CAMTA1: variants seen among roughly 807,000 people sequenced by gnomAD.
CAMTA1 encodes calmodulin-binding transcription activator 1.
CAMTA1 carries 27 observed loss-of-function variants against 170.9 expected under a neutral mutation model. The ratio of observed to expected loss-of-function variants is 0.16; its 90% confidence interval spans 0.12 to 0.22. CAMTA1 has a LOEUF of 0.22. Ranked by LOEUF, CAMTA1 falls within the 10% of genes least tolerant of loss-of-function variation. CAMTA1 has a pLI of 1.00. For missense variants in CAMTA1, 1,619 were observed against 2,217.2 expected (o/e 0.73, Z 5.42); for synonymous variants, 833 against 891.5 (o/e 0.93, Z 1.17).
At chr1:7,288,199 T>C (rs1672620419) in intron 5 of CAMTA1, among the ~76,000 whole-genome samples, 2 of 152,162 alleles carry the variant, frequency 1.3e-5, no homozygotes, top group African/African-American at 2.4e-5. Context: ...AAGCCCACAC[T>C]CGTAGCGCTC....
rs1340146861 is a variant in CAMTA1 at position 7,293,819 on chromosome 1, T to G, written c.438+44193T>G. On this transcript the variant is annotated intron_variant, in intron 5 of 22. Coordinates refer to ENST00000303635, the MANE Select transcript of CAMTA1 (RefSeq NM_015215.4). This position sits in a 1 kb window ranked among gnomAD's most constrained non-coding sequence, Gnocchi z 4.1. ...AGGGTTTCCAGCTCTCCCGTGCCCC[T>G]CGCTTTTCTCTGAAAACTCGGCATG... 6.6e-6 allele frequency among the ~76,000 whole-genome samples: 1 copy of G among 152,226 alleles called. No individual in the cohort carries two copies. Among genetic ancestry groups the G allele is most frequent in the Non-Finnish European group, 1.5e-5 (1 of 68,040 alleles).
intron 4 of CAMTA1, among the ~76,000 whole-genome samples, chr1:7,135,149 G>A (rs1431109799): frequency 6.6e-6 from 1 of 152,166 alleles, no homozygotes; most frequent in African/African-American, 2.4e-5. Flanking sequence ...CACTTTGGGA[G>A]GCCGGGGCAG....
chr1:7,278,126 A>T (rs930717909), intron 5 of CAMTA1, among the ~76,000 whole-genome samples: 2 of 152,268 alleles, frequency 1.3e-5, no homozygotes, highest in African/African-American at 4.8e-5. Context: ...AATTAGCTCC[A>T]TATGGCTACA....
At chr1:7,758,061 T>C (rs2096944054) in intron 22 of CAMTA1, among the ~76,000 whole-genome samples, 1 of 152,194 alleles carries the variant, frequency 6.6e-6, no homozygotes, top group African/African-American at 2.4e-5. Context: ...CTTTCCATTT[T>C]AAAAAACCTC....
intron 5 of CAMTA1, among the ~76,000 whole-genome samples, chr1:7,257,851 A>G (rs1044518140): frequency 6.6e-6 from 1 of 152,080 alleles, no homozygotes; most frequent in Admixed American, 6.5e-5. Flanking sequence ...TTGCAGACAG[A>G]GGTTTGTCTG....
rs757794668 is a variant in CAMTA1, at chr1:7,664,950, G to A, written c.2403G>A (p.Thr801=). The change falls in exon 9 of 23, where the codon ACG becomes ACA. Residue 801 remains threonine (T), a synonymous_variant. Transcript: ENST00000303635. ...YGHQLVSGDS[T]ALSQSEDGAR... Reference sequence around the variant, plus strand: ...ACCAGCTGGTGTCGGGGGACAGCACGGCGCTCTCACAGTCAGAGGACGGGG... The same window carrying A: ...ACCAGCTGGTGTCGGGGGACAGCACAGCGCTCTCACAGTCAGAGGACGGGG... 24 of 1,612,850 alleles carry A rather than the reference G, an allele frequency of 1.5e-5. No individual in the cohort carries two copies. The Admixed American group carries it at 3.3e-4, about 22-fold the overall frequency.
At chr1:7,209,834 A>T (rs1658434027) in intron 4 of CAMTA1, among the ~76,000 whole-genome samples, 1 of 152,176 alleles carries the variant, frequency 6.6e-6, no homozygotes, top group East Asian at 1.9e-4. Context: ...TTTTATTTTT[A>T]AGTCATTTCA....
chr1:7,412,266 A>G (rs577261865), intron 5 of CAMTA1, among the ~76,000 whole-genome samples: 44 of 152,192 alleles, frequency 2.9e-4, no homozygotes, highest in Admixed American at 7.2e-4. Flanking sequence ...TCCTTTGGGT[A>G]TATACCCAGT....
Position 7,685,972 on chromosome 1 carries a change from C to G in CAMTA1, c.2914+8239C>G, listed in dbSNP as rs2096254450. On this transcript the variant is annotated intron_variant, in intron 11 of 22. Transcript: ENST00000303635. This position sits in a 1 kb window ranked among gnomAD's most constrained non-coding sequence, Gnocchi z 5.7. The stretch of plus-strand genomic sequence containing the variant: ...ATCCCAATACTAGCCTAGCATGTTT[C>G]TTTCCTTTATTTCTCTCACATTCTC... Among the ~76,000 whole-genome samples the G allele has an allele frequency of 6.6e-6, 1 of 152,096 alleles. No homozygotes were observed. Among genetic ancestry groups the G allele is most frequent in the Admixed American group, 6.6e-5 (1 of 15,250 alleles).
At chr1:6,804,730 T>C (rs1219839431) in intron 1 of CAMTA1, among the ~76,000 whole-genome samples, 2 of 152,130 alleles carry the variant, frequency 1.3e-5, no homozygotes, top group Non-Finnish European at 2.9e-5. Flanking sequence ...ATTTTAAATT[T>C]AATATAATAG....
At chr1:7,276,554 T>G (rs1670761249) in intron 5 of CAMTA1, among the ~76,000 whole-genome samples, 1 of 151,620 alleles carries the variant, frequency 6.6e-6, no homozygotes, top group Non-Finnish European at 1.5e-5. Context: ...CGTGATCCGC[T>G]TGCCTCGGCC....
At chr1:7,733,823 C>G (rs1045208741) in intron 12 of CAMTA1, among the ~76,000 whole-genome samples, 1 of 152,160 alleles carries the variant, frequency 6.6e-6, no homozygotes, top group African/African-American at 2.4e-5. Flanking sequence ...AAAAGAACAT[C>G]ATATGCCACA....
At chr1:7,206,046 T>C (rs1657676471) in intron 4 of CAMTA1, among the ~76,000 whole-genome samples, 1 of 152,206 alleles carries the variant, frequency 6.6e-6, no homozygotes, top group East Asian at 1.9e-4. Flanking sequence ...CTGGACTTCT[T>C]CTACTCCACT....
At chr1:7,105,994 A>G (rs1643544320) in intron 4 of CAMTA1, among the ~76,000 whole-genome samples, 1 of 151,884 alleles carries the variant, frequency 6.6e-6, no homozygotes. Flanking sequence ...ATGATTTCCT[A>G]TCCACTAATG....
chr1:7,137,039 G>A (rs563732035), intron 4 of CAMTA1, among the ~76,000 whole-genome samples: 22 of 152,238 alleles, frequency 1.4e-4, no homozygotes, highest in Admixed American at 3.9e-4. Context: ...TTAAGCGTCT[G>A]AACAAGCTGT....
chr1:6,867,393 T>G (rs937207854), intron 3 of CAMTA1, among the ~76,000 whole-genome samples: 7 of 152,214 alleles, frequency 4.6e-5, no homozygotes, highest in African/African-American at 1.7e-4. Flanking sequence ...CTGTAATATT[T>G]ATAGAAAGTT....
chr1:7,053,716 C>T (rs978456176), intron 3 of CAMTA1, among the ~76,000 whole-genome samples: 14 of 152,322 alleles, frequency 9.2e-5, no homozygotes, highest in African/African-American at 3.1e-4. Flanking sequence ...CTGCAATGCC[C>T]TTCCCCAGGT....
intron 5 of CAMTA1, among the ~76,000 whole-genome samples, chr1:7,266,961 G>A (rs1340775758): frequency 6.6e-6 from 1 of 152,200 alleles, no homozygotes; most frequent in African/African-American, 2.4e-5. Context: ...TGTTCTAAGT[G>A]TCATGAGAAG....
At chr1:7,605,435 G>T (rs1007632465) in intron 6 of CAMTA1, among the ~76,000 whole-genome samples, 3 of 152,228 alleles carry the variant, frequency 2.0e-5, no homozygotes, top group Admixed American at 2.0e-4. Context: ...ATCTCAGACT[G>T]CTGTGCTAGC....
Sources: gnomAD v4.1 joint callset for allele counts (sites outside exome capture counted in the v4.1 genomes callset) on GRCh38, gnomAD v4.1.1 for gene constraint, Gnocchi (gnomAD v3.1) non-coding constraint, MANE v1.5 for transcripts, NCBI Gene and HGNC (gene_info 2026-07-23, HGNC 2026-07-21) for gene names.